The following ZNF195 variants were observed in gnomAD, a reference collection of about 807,000 sequenced individuals.
ZNF195 encodes the protein zinc finger protein 195.
Under a neutral mutation model 19.5 loss-of-function variants are expected in ZNF195, and 11 were observed. That is an observed-to-expected ratio of 0.57 (90% CI 0.36 to 0.94). The LOEUF (loss-of-function observed/expected upper bound fraction) is 0.94. ZNF195 is among the 40% of genes least tolerant of loss of function. The pLI, the probability that ZNF195 is intolerant of heterozygous loss-of-function variation, is 0.01. For missense variants in ZNF195, 582 were observed against 709.0 expected (o/e 0.82, Z 2.03); for synonymous variants, 214 against 248.1 (o/e 0.86, Z 1.29).
intron 1 of ZNF195, chr11:3,377,496 G>A (rs1043756192): frequency 2.4e-6 from 2 of 831,146 alleles, no homozygotes; most frequent in Non-Finnish European, 3.0e-6. Flanking sequence ...GAGTCCAAAG[G>A]GCAGAAATGA....
At position 3,360,125 on chromosome 11, in the gene ZNF195, T is replaced by G. The variant is rs1008395651; in HGVS notation, c.883A>C (p.Thr295Pro). The G allele has an allele frequency of 1.5e-5, 24 of 1,614,056 alleles. No homozygotes were observed. The highest frequency in any genetic ancestry group is 1.9e-5 in the Non-Finnish European group (22 of 1,180,024). Residue 295 changes from threonine to proline, a missense_variant, in exon 6 of 6, where the codon ACT (threonine) becomes CCT (proline). This residue lies in a region of ZNF195 where 407 missense variants were observed against 530.5 expected (regional missense o/e 0.77). Transcript: ENST00000399602. ...SHFTEPENIDTGEKPYKCQEC... is the reference protein window; with the variant it reads ...SHFTEPENIDPGEKPYKCQEC... ...TGACACTTGTAAGGTTTCTCTCCAGTGTCAATGTTCTCAGGTTCAGTAAAG... is the reference window on the plus strand; with the variant it reads ...TGACACTTGTAAGGTTTCTCTCCAGGGTCAATGTTCTCAGGTTCAGTAAAG...
intron 3 of ZNF195, among the ~76,000 whole-genome samples, chr11:3,364,335 TA>T (rs978516715): frequency 6.6e-6 from 1 of 152,026 alleles, no homozygotes; most frequent in Non-Finnish European, 1.5e-5. Flanking sequence ...TTCATCGTAT[TA>T]AAAAAGACAA....
Position 3,370,075 on chromosome 11 carries a change from GGATA to G in ZNF195, c.226+896_226+899del, listed in dbSNP as rs1342057178. The stretch of plus-strand genomic sequence containing the variant: ...TATGTGTGTGTATATATACATGAAT[GGATA>G]AAGAAAATATGATTTAAATAGACAA... On this transcript the variant is annotated intron_variant, in intron 3 of 5. Transcript: ENST00000399602. 1.1e-4 allele frequency among the ~76,000 whole-genome samples: 16 copies of G among 151,896 alleles called. No homozygotes were observed. In the East Asian group the frequency reaches 2.7e-3, roughly 26 times the overall value.
intron 4 of ZNF195, 22 bp downstream of exon 4, chr11:3,361,721 G>GT: frequency 7.7e-7 from 1 of 1,301,652 alleles, no homozygotes; most frequent in Non-Finnish European, 1.0e-6. Flanking sequence ...GAAAAGCAAG[G>GT]TACATGCTCT....
At chr11:3,362,057 C>G (rs1229601471) in intron 3 of ZNF195, 168 bp from the exon 4 acceptor site, 6 of 440,982 alleles carry the variant, frequency 1.4e-5, no homozygotes, top group Admixed American at 1.2e-4. Flanking sequence ...AAATCCCTGT[C>G]TCAAAAAAAG....
intron 1 of ZNF195, among the ~76,000 whole-genome samples, chr11:3,375,983 T>C (rs902166907): frequency 1.3e-5 from 2 of 152,196 alleles, no homozygotes; most frequent in African/African-American, 4.8e-5. Flanking sequence ...GTTGCTACCT[T>C]CTCCCTGTTG....
intron 3 of ZNF195, chr11:3,366,894 G>A (rs1564920213): frequency 2.2e-6 from 1 of 453,496 alleles, no homozygotes; most frequent in Non-Finnish European, 4.4e-6. Context: ...GCAAAACCCT[G>A]TCTCTATTAA....
At chr11:3,362,010 G>A (rs1168406983) in intron 3 of ZNF195, 121 bp from the exon 4 acceptor site, 3 of 448,150 alleles carry the variant, frequency 6.7e-6, no homozygotes, top group South Asian at 3.1e-5. Flanking sequence ...AGTGAGCCAC[G>A]ATCACACCAC....
At chr11:3,367,071 A>C (rs1344813318) in intron 3 of ZNF195, 1 of 239,786 alleles carries the variant, frequency 4.2e-6, no homozygotes, top group Admixed American at 6.9e-5. Context: ...TGTAAAAAAA[A>C]AAAAAAAAGC....
At chr11:3,368,582 T>G (rs558319224) in intron 3 of ZNF195, among the ~76,000 whole-genome samples, 2 of 152,318 alleles carry the variant, frequency 1.3e-5, no homozygotes, top group East Asian at 3.9e-4. Context: ...ATTCTAAAAT[T>G]TATATGGAAT....
chr11:3,363,331 C>T (rs1398875112), intron 3 of ZNF195: 2 of 152,094 alleles, frequency 1.3e-5, no homozygotes, highest in Non-Finnish European at 1.5e-5. Flanking sequence ...ACACTCCACA[C>T]AACACAGCAG....
chr11:3,361,065 A>G (rs1472156048), intron 4 of ZNF195, among the ~76,000 whole-genome samples: 6 of 152,214 alleles, frequency 3.9e-5, no homozygotes, highest in Non-Finnish European at 8.8e-5. Context: ...AATACCCATG[A>G]CAGCGGTAGG....
At chr11:3,362,680 G>A in intron 3 of ZNF195, 1 of 426,498 alleles carries the variant, frequency 2.3e-6, no homozygotes, top group Non-Finnish European at 4.3e-6. Flanking sequence ...AGGAAAGAGA[G>A]AAAGAAAAAG....
intron 3 of ZNF195, chr11:3,367,123 A>G (rs1848934335): frequency 3.2e-6 from 1 of 314,066 alleles, no homozygotes; most frequent in African/African-American, 2.2e-5. Context: ...TATATGATCC[A>G]GCAATCCCAT....
intron 1 of ZNF195, among the ~76,000 whole-genome samples, chr11:3,375,322 C>A (rs1300414951): frequency 2.0e-5 from 3 of 152,140 alleles, no homozygotes; most frequent in African/African-American, 7.2e-5. Context: ...TTGGCCACTT[C>A]CTTGTCTATT....
At position 3,360,751 on chromosome 11, in the gene ZNF195, C is replaced by T. The variant is rs200086777; in HGVS notation, c.411G>A (p.Trp137Ter). 1.3e-6 allele frequency: 2 copies of T among 1,551,398 alleles called. No individual in the cohort carries two copies. Among genetic ancestry groups the T allele is most frequent in the Non-Finnish European group, 1.7e-6 (2 of 1,146,926 alleles). Residue 137 changes from tryptophan to a stop codon, truncating the protein, a stop_gained, in exon 5 of 6, where the codon TGG (tryptophan) becomes TGA (stop). Transcript: ENST00000399602. LOFTEE classifies it low-confidence loss of function (END_TRUNC). Reference protein sequence around the residue: ...CSPGVLQTVKWFLEFRCIFSL... With the variant: ...CSPGVLQTVK ...AGAAGATGCATCTGAACTCTAAAAACCATTTCACAGTTTGCAGCACCCCAG... is the reference window on the plus strand; with the variant it reads ...AGAAGATGCATCTGAACTCTAAAAATCATTTCACAGTTTGCAGCACCCCAG...
At chr11:3,372,508 C>A (rs1849257705) in intron 1 of ZNF195, among the ~76,000 whole-genome samples, 1 of 152,192 alleles carries the variant, frequency 6.6e-6, no homozygotes, top group Admixed American at 6.5e-5. Context: ...TAATCTGAAT[C>A]AAATCATACC....
Position 3,358,998 on chromosome 11 carries a change from A to G in ZNF195, c.*120T>C. ...GTGCTCTGGAGACTTATATTTCATG[A>G]AAGGTCTTTCAATAGTAATTACATT... is the stretch of plus-strand genomic sequence containing the variant. On this transcript the variant is annotated 3_prime_UTR_variant, in exon 6 of 6. Coordinates refer to ENST00000399602, the MANE Select transcript of ZNF195 (RefSeq NM_001130520.3). 3 of 1,253,102 alleles carry G rather than the reference A, an allele frequency of 2.4e-6. No homozygotes were observed. Among genetic ancestry groups the G allele is most frequent in the Non-Finnish European group, 1.0e-6 (1 of 965,764 alleles). The allele number at this position is 1,253,102 out of a possible 1,614,324, so 77.6% of individuals were successfully genotyped here.
At chr11:3,366,036 T>A (rs2133691452) in intron 3 of ZNF195, among the ~76,000 whole-genome samples, 1 of 151,504 alleles carries the variant, frequency 6.6e-6, no homozygotes, top group African/African-American at 2.4e-5. Flanking sequence ...GGCGGGTGGA[T>A]CACGAGGTCA....
Sources: allele counts gnomAD v4.1 joint callset (sites outside exome capture counted in the v4.1 genomes callset), GRCh38; gene constraint gnomAD v4.1.1; regional missense constraint gnomAD v4.1.1; transcripts MANE v1.5; gene names NCBI Gene and HGNC (gene_info 2026-07-23, HGNC 2026-07-21).